Variants in RTL4 observed in about 807,000 individuals in gnomAD.
The protein encoded by RTL4 is retrotransposon Gag like 4.
RTL4 carries 4 observed loss-of-function variants against 5.3 expected under a neutral mutation model. The observed-to-expected ratio is 0.75, with a 90% CI of 0.37 to 1.72. The LOEUF is 1.72. RTL4 is among the 40% of genes most tolerant of loss of function. The pLI is 0.04. For missense variants in RTL4, 260 were observed against 227.1 expected, an observed-to-expected ratio of 1.14 and a Z score of -0.93; for synonymous variants, 98 against 87.3, an observed-to-expected ratio of 1.12 and a Z score of -0.68.
At chrX:112,179,811 A>G in the RTL4 span, among the ~76,000 whole-genome samples, 1 of 112,091 alleles carries the variant, frequency 8.9e-6, no homozygotes. Flanking sequence ...TTTAAAAATC[A>G]AGGAAAGGGA....
At chrX:112,392,303 C>T in the RTL4 span, among the ~76,000 whole-genome samples, 4 of 111,232 alleles carry the variant, frequency 3.6e-5, no homozygotes, top group African/African-American at 1.3e-4. Flanking sequence ...GAATGGGCAC[C>T]CACATAACAG....
chrX:112,124,426 C>T, the RTL4 span, among the ~76,000 whole-genome samples: 1 of 111,442 alleles, frequency 9.0e-6, no homozygotes, highest in Non-Finnish European at 1.9e-5. Flanking sequence ...AACCCAAACG[C>T]CCATCAATGA....
the RTL4 span, among the ~76,000 whole-genome samples, chrX:112,134,889 T>C: frequency 8.9e-6 from 1 of 112,278 alleles, no homozygotes; most frequent in Non-Finnish European, 1.9e-5. Flanking sequence ...ATCAACAACT[T>C]ATTCCTTTTC....
chrX:112,246,250 G>A, the RTL4 span, among the ~76,000 whole-genome samples: 1 of 111,934 alleles, frequency 8.9e-6, no homozygotes, highest in Admixed American at 9.4e-5. Flanking sequence ...GCTCTCTTCA[G>A]AGCTGTCCAA....
chrX:112,453,362 C>T (rs781297949), upstream of RTL4, among the ~76,000 whole-genome samples: 1 of 111,936 alleles, frequency 8.9e-6, no homozygotes, highest in East Asian at 2.8e-4. Flanking sequence ...AACTGCTATG[C>T]CATATGTTTG....
At chrX:112,190,168 C>CTTTCTTTCTTTCTTTCTTTCTTTCTT in the RTL4 span, among the ~76,000 whole-genome samples, 6 of 90,475 alleles carry the variant, frequency 6.6e-5, no homozygotes, top group Admixed American at 2.6e-4. Context: ...TTCTTTCTTT[C>CTTTCTTTCTTTCTTTCTTTCTTTCTT]TTTCTTTCTT....
At chrX:112,376,890 A>G in the RTL4 span, among the ~76,000 whole-genome samples, 1 of 112,323 alleles carries the variant, frequency 8.9e-6, no homozygotes, top group South Asian at 3.7e-4. Flanking sequence ...TGTTTAATGT[A>G]GTTCTAAGAA....
At chrX:112,447,478 C>T in the RTL4 span, among the ~76,000 whole-genome samples, 1 of 112,363 alleles carries the variant, frequency 8.9e-6, no homozygotes, top group African/African-American at 3.2e-5. Context: ...ATCCGTCTAA[C>T]TCCGAAGCCC....
At chrX:112,405,940 G>A in the RTL4 span, among the ~76,000 whole-genome samples, 1 of 110,589 alleles carries the variant, frequency 9.0e-6, no homozygotes, top group African/African-American at 3.3e-5. Context: ...TTCAGCAACT[G>A]TGAGGCATTG....
At chrX:112,285,332 A>G in the RTL4 span, among the ~76,000 whole-genome samples, 1 of 112,197 alleles carries the variant, frequency 8.9e-6, no homozygotes, top group Admixed American at 9.5e-5. Flanking sequence ...TCCCAGTAAC[A>G]GTTGTATTAA....
chrX:112,117,701 G>C, the RTL4 span, among the ~76,000 whole-genome samples: 2 of 111,611 alleles, frequency 1.8e-5, no homozygotes, highest in Non-Finnish European at 3.8e-5. Context: ...TAGGAATGGG[G>C]AAATGGGCAC....
the RTL4 span, among the ~76,000 whole-genome samples, chrX:112,325,060 G>C: frequency 3.8e-4 from 42 of 111,466 alleles, no homozygotes; most frequent in African/African-American, 1.2e-3. Context: ...TTGCTTCAAA[G>C]AGAATAAAAT....
chrX:112,124,827 G>A, the RTL4 span, among the ~76,000 whole-genome samples: 12 of 111,558 alleles, frequency 1.1e-4, no homozygotes, highest in East Asian at 2.8e-4. Context: ...ACATTGAAGC[G>A]TCAGTATTTT....
chrX:112,370,866 G>C, the RTL4 span, among the ~76,000 whole-genome samples: 1 of 110,585 alleles, frequency 9.0e-6, no homozygotes, highest in Non-Finnish European at 1.9e-5. Flanking sequence ...GTGGGAAAAA[G>C]AGAAGCAACA....
chrX:112,117,219 A>C, the RTL4 span, among the ~76,000 whole-genome samples: 4 of 110,093 alleles, frequency 3.6e-5, no homozygotes, highest in Non-Finnish European at 7.6e-5. Context: ...TGGTAAATAC[A>C]CTATTTACCA....
the RTL4 span, among the ~76,000 whole-genome samples, chrX:112,246,001 C>G: frequency 8.9e-6 from 1 of 112,336 alleles, no homozygotes; most frequent in East Asian, 2.8e-4. Context: ...CACTCCAGAC[C>G]CTGTTTCCCA....
chrX:112,347,942 T>A, the RTL4 span, among the ~76,000 whole-genome samples: 1 of 111,527 alleles, frequency 9.0e-6, no homozygotes, highest in East Asian at 2.8e-4. Flanking sequence ...ATTAGAGTAA[T>A]TGTGACAGTA....
chrX:112,244,750 G>T, the RTL4 span, among the ~76,000 whole-genome samples: 2 of 111,633 alleles, frequency 1.8e-5, no homozygotes, highest in Admixed American at 9.6e-5. Context: ...ATGTTAGCTG[G>T]TTATTTTGCC....
At chrX:112,310,827 A>G in the RTL4 span, among the ~76,000 whole-genome samples, 1 of 87,708 alleles carries the variant, frequency 1.1e-5, no homozygotes, top group Non-Finnish European at 2.1e-5. Context: ...ATATATTAAT[A>G]CATTATATAT....
Sources: gnomAD v4.1 joint callset for allele counts (sites outside exome capture counted in the v4.1 genomes callset) on GRCh38, gnomAD v4.1.1 for gene constraint, MANE v1.5 for transcripts, NCBI Gene and HGNC (gene_info 2026-07-23, HGNC 2026-07-21) for gene names.